The following SIPA1L1 variants were observed in gnomAD, a reference collection of about 807,000 sequenced individuals.
SIPA1L1 encodes signal induced proliferation associated 1 like 1.
SIPA1L1 carries 26 observed loss-of-function variants against 162.7 expected under a neutral mutation model. The ratio of observed to expected loss-of-function variants is 0.16; its 90% CI spans 0.12 to 0.22. SIPA1L1 has a LOEUF of 0.22. Among genes scored for constraint, SIPA1L1 ranks in the 10% least tolerant of loss-of-function variants. SIPA1L1 has a pLI of 1.00. For missense variants in SIPA1L1, 1,874 were observed against 2,241.0 expected (o/e 0.84, Z 3.31); for synonymous variants, 829 against 837.4 (o/e 0.99, Z 0.17).
chr14:71,346,158 G>C (rs1393998715), intron 2 of SIPA1L1, among the ~76,000 whole-genome samples: 2 of 152,042 alleles, frequency 1.3e-5, no homozygotes, highest in Non-Finnish European at 2.9e-5. Context: ...TGCCTGCCTC[G>C]GCTTCCCAAA....
chr14:71,405,852 G>A (rs1373729010), intron 2 of SIPA1L1, among the ~76,000 whole-genome samples: 1 of 152,200 alleles, frequency 6.6e-6, no homozygotes, highest in Non-Finnish European at 1.5e-5. Context: ...CACATGTAGG[G>A]CAGAATTTTT....
chr14:71,368,060 G>T (rs1464533661), intron 2 of SIPA1L1, among the ~76,000 whole-genome samples: 4 of 149,114 alleles, frequency 2.7e-5, no homozygotes, highest in African/African-American at 9.9e-5. Flanking sequence ...CTTTTTCGTT[G>T]TTGTTAGAAA....
intron 2 of SIPA1L1, among the ~76,000 whole-genome samples, chr14:71,337,809 G>T (rs533217558): frequency 2.6e-4 from 39 of 152,186 alleles, no homozygotes; most frequent in African/African-American, 8.4e-4. Context: ...AGCTAGGCAT[G>T]GTGATGCATG....
At chr14:71,330,689 A>G in intron 2 of SIPA1L1, 1 of 874,132 alleles carries the variant, frequency 1.1e-6, no homozygotes, top group South Asian at 1.3e-5. Context: ...GGAGGAATCC[A>G]TCCTGGAGGA....
intron 2 of SIPA1L1, among the ~76,000 whole-genome samples, chr14:71,327,602 G>T (rs8013551): frequency 0.034 from 5,218 of 152,162 alleles, 149 homozygotes; most frequent in African/African-American, 0.065. Flanking sequence ...TGCTTCACCT[G>T]TATATACCTA....
At chr14:71,734,038 A>G (rs2085051578) in intron 21 of SIPA1L1, among the ~76,000 whole-genome samples, 1 of 152,252 alleles carries the variant, frequency 6.6e-6, no homozygotes, top group African/African-American at 2.4e-5. Context: ...CATAACATGA[A>G]TGCCTCGCCT....
chr14:71,454,175 A>G (rs777382782), intron 2 of SIPA1L1, among the ~76,000 whole-genome samples: 8 of 152,194 alleles, frequency 5.3e-5, no homozygotes, highest in Non-Finnish European at 1.2e-4. Context: ...GTACTGTGAT[A>G]TAGGCATGTT....
intron 7 of SIPA1L1, 92 bp downstream of exon 7, chr14:71,624,328 A>G (rs2039748423): frequency 1.8e-6 from 2 of 1,099,144 alleles, no homozygotes; most frequent in African/African-American, 1.6e-5. Context: ...TTTGATGGAG[A>G]TAATTGATAC....
At chr14:71,598,596 A>T (rs2036324512) in intron 5 of SIPA1L1, among the ~76,000 whole-genome samples, 1 of 152,192 alleles carries the variant, frequency 6.6e-6, no homozygotes, top group Non-Finnish European at 1.5e-5. Flanking sequence ...AGACTAAGGA[A>T]CTCTTAGAAT....
At chr14:71,420,046 G>A (rs958369493) in intron 2 of SIPA1L1, among the ~76,000 whole-genome samples, 1 of 152,000 alleles carries the variant, frequency 6.6e-6, no homozygotes, top group African/African-American at 2.4e-5. Context: ...AAACCTTAAA[G>A]CTTTTGTAGT....
At chr14:71,504,596 T>C (rs920993661) in intron 2 of SIPA1L1, among the ~76,000 whole-genome samples, 1 of 152,098 alleles carries the variant, frequency 6.6e-6, no homozygotes, top group African/African-American at 2.4e-5. Context: ...AGGAAAAAAA[T>C]GCTCTGTGAG....
intron 2 of SIPA1L1, among the ~76,000 whole-genome samples, chr14:71,471,140 G>A (rs1300844130): frequency 1.3e-5 from 2 of 151,038 alleles, no homozygotes; most frequent in Admixed American, 6.6e-5. Context: ...CTCCGCACCC[G>A]GCCTCAGAGG....
chr14:71,497,277 T>A (rs1372844518), intron 2 of SIPA1L1, among the ~76,000 whole-genome samples: 1 of 152,204 alleles, frequency 6.6e-6, no homozygotes, highest in African/African-American at 2.4e-5. Flanking sequence ...ACTCCTAGAC[T>A]CAAGGGATCG....
Position 71,459,238 on chromosome 14 carries a change from G to A in SIPA1L1, c.-464-53505G>A, listed in dbSNP as rs549144183. Among the ~76,000 whole-genome samples the A allele has an allele frequency of 2.6e-5, 4 of 152,184 alleles. No homozygotes were observed. In the South Asian group the frequency reaches 6.2e-4, roughly 24 times the overall value. On this transcript the variant is annotated intron_variant, in intron 2 of 23. Coordinates refer to ENST00000381232, the MANE Select transcript of SIPA1L1 (RefSeq NM_001386936.1). ...CACACACTTGCAGGTGATATGTGGC[G>A]GGAACATACTACAGATCGCTAGTAA... is the stretch of plus-strand genomic sequence containing the variant.
intron 2 of SIPA1L1, among the ~76,000 whole-genome samples, chr14:71,481,351 T>C (rs997918257): frequency 5.9e-5 from 9 of 152,090 alleles, no homozygotes; most frequent in Admixed American, 5.9e-4. Flanking sequence ...TGGTAGTGCA[T>C]GCTTGTGATC....
chr14:71,537,709 T>C (rs2054030942), intron 4 of SIPA1L1, among the ~76,000 whole-genome samples: 3 of 152,218 alleles, frequency 2.0e-5, no homozygotes, highest in African/African-American at 4.8e-5. Flanking sequence ...TTTTTTTTTT[T>C]CTCCCTTGAC....
chr14:71,344,539 A>T (rs1292179924), intron 2 of SIPA1L1, among the ~76,000 whole-genome samples: 23 of 151,846 alleles, frequency 1.5e-4, no homozygotes, highest in Admixed American at 1.3e-3. Flanking sequence ...GTTTTTAAAA[A>T]TTTCTCTATC....
chr14:71,324,595 A>T (rs2140173140), intron 2 of SIPA1L1, among the ~76,000 whole-genome samples: 1 of 152,260 alleles, frequency 6.6e-6, no homozygotes, highest in Admixed American at 6.5e-5. Flanking sequence ...GAAAAAGAAA[A>T]TATGAGTTAA....
chr14:71,554,034 A>G (rs1304995754), intron 4 of SIPA1L1, among the ~76,000 whole-genome samples: 1 of 152,222 alleles, frequency 6.6e-6, no homozygotes, highest in Non-Finnish European at 1.5e-5. Context: ...GCAAGAATGA[A>G]TATAAAATTA....
Sources: allele counts gnomAD v4.1 joint callset (sites outside exome capture counted in the v4.1 genomes callset), GRCh38; gene constraint gnomAD v4.1.1; transcripts MANE v1.5; gene names NCBI Gene and HGNC (gene_info 2026-07-23, HGNC 2026-07-21).